The following GPC5 variants were observed in gnomAD, a reference collection of about 807,000 sequenced individuals.
GPC5 encodes the protein glypican-5.
GPC5 carries 47 observed loss-of-function variants against 53.9 expected under a neutral mutation model. The ratio of observed to expected loss-of-function variants is 0.87; its 90% confidence interval spans 0.69 to 1.11. The LOEUF (loss-of-function observed/expected upper bound fraction) is 1.11, where lower values mean the gene tolerates loss of function less well. GPC5 is among the 50% of genes most tolerant of loss of function. GPC5 has a pLI of 0.00. For missense variants in GPC5, 748 were observed against 713.1 expected (o/e 1.05, Z -0.56); for synonymous variants, 286 against 263.3 (o/e 1.09, Z -0.84).
chr13:92,620,451 G>C (rs1884834944), intron 7 of GPC5, among the ~76,000 whole-genome samples: 1 of 152,028 alleles, frequency 6.6e-6, no homozygotes, highest in Admixed American at 6.6e-5. Context: ...AATTCCACCA[G>C]GTTTTTTGTT....
intron 2 of GPC5, among the ~76,000 whole-genome samples, chr13:91,597,902 G>T (rs1217846349): frequency 7.4e-6 from 1 of 135,200 alleles, no homozygotes; most frequent in East Asian, 2.2e-4. Context: ...TTCAAGCATG[G>T]AATGTTTTCT....
chr13:91,871,151 G>A (rs1237319805), intron 5 of GPC5, among the ~76,000 whole-genome samples: 1 of 152,204 alleles, frequency 6.6e-6, no homozygotes, highest in Non-Finnish European at 1.5e-5. Flanking sequence ...CAGCATGTCA[G>A]TACTCAAAAG....
intron 7 of GPC5, among the ~76,000 whole-genome samples, chr13:92,704,363 T>C (rs1223746646): frequency 6.6e-6 from 1 of 152,026 alleles, no homozygotes; most frequent in East Asian, 1.9e-4. Context: ...TGAACAAATA[T>C]TGACTACTAA....
intron 5 of GPC5, among the ~76,000 whole-genome samples, chr13:91,906,416 T>C (rs970582630): frequency 2.0e-5 from 3 of 152,122 alleles, no homozygotes; most frequent in African/African-American, 7.2e-5. Flanking sequence ...ACACTTGGCA[T>C]GTGCATTTCC....
intron 2 of GPC5, among the ~76,000 whole-genome samples, chr13:91,661,120 G>T (rs1245068195): frequency 6.6e-6 from 1 of 152,128 alleles, no homozygotes. Context: ...GGGTCACCGA[G>T]AGAAGTATGG....
At chr13:92,422,713 C>A (rs775592868) in intron 7 of GPC5, among the ~76,000 whole-genome samples, 4 of 152,126 alleles carry the variant, frequency 2.6e-5, no homozygotes, top group Non-Finnish European at 4.4e-5. Flanking sequence ...AAGTGACAAC[C>A]TCAGTGGCTG....
chr13:91,685,066 C>T (rs1313700407), intron 2 of GPC5, among the ~76,000 whole-genome samples: 1 of 152,128 alleles, frequency 6.6e-6, no homozygotes, highest in Non-Finnish European at 1.5e-5. Flanking sequence ...GGTTTTCCTT[C>T]TCACTGTATC....
At chr13:91,984,420 G>T (rs1339017076) in intron 6 of GPC5, among the ~76,000 whole-genome samples, 2 of 152,092 alleles carry the variant, frequency 1.3e-5, no homozygotes, top group African/African-American at 4.8e-5. Flanking sequence ...TAGAACTTCG[G>T]GCTATAGTCC....
intron 7 of GPC5, among the ~76,000 whole-genome samples, chr13:92,223,098 T>A (rs2042461042): frequency 6.6e-6 from 1 of 152,148 alleles, no homozygotes. Flanking sequence ...TTACAGGAAA[T>A]GTGACAATTA....
chr13:91,784,451 G>A (rs1446200746), intron 5 of GPC5, among the ~76,000 whole-genome samples: 2 of 152,084 alleles, frequency 1.3e-5, no homozygotes, highest in Non-Finnish European at 2.9e-5. Flanking sequence ...GAGGCCGGGC[G>A]CAGTGGCTCA....
At chr13:92,740,281 T>C (rs1423430129) in intron 7 of GPC5, among the ~76,000 whole-genome samples, 1 of 152,084 alleles carries the variant, frequency 6.6e-6, no homozygotes, top group Non-Finnish European at 1.5e-5. Context: ...TGAAGCACCA[T>C]GCACTTTGGC....
At chr13:92,469,756 A>G (rs1487862026) in intron 7 of GPC5, among the ~76,000 whole-genome samples, 2 of 152,122 alleles carry the variant, frequency 1.3e-5, no homozygotes, top group Non-Finnish European at 2.9e-5. Flanking sequence ...CATTATGGTA[A>G]ACAGCAAAAG....
chr13:92,226,558 A>C (rs1376912353), intron 7 of GPC5, among the ~76,000 whole-genome samples: 1 of 152,170 alleles, frequency 6.6e-6, no homozygotes, highest in Admixed American at 6.5e-5. Context: ...TGAAAAACAC[A>C]ATGGGAACAG....
At chr13:92,555,294 G>A (rs1882456303) in intron 7 of GPC5, among the ~76,000 whole-genome samples, 1 of 151,084 alleles carries the variant, frequency 6.6e-6, no homozygotes, top group Non-Finnish European at 1.5e-5. Context: ...TGATTAAATA[G>A]GGTTTATCTC....
chr13:91,864,041 A>G (rs1239360163), intron 5 of GPC5, among the ~76,000 whole-genome samples: 1 of 152,202 alleles, frequency 6.6e-6, no homozygotes, highest in Non-Finnish European at 1.5e-5. Context: ...AATTTATATC[A>G]ATGATTATAT....
chr13:91,529,491 G>C (rs188091226), intron 2 of GPC5, among the ~76,000 whole-genome samples: 1 of 152,214 alleles, frequency 6.6e-6, no homozygotes, highest in East Asian at 1.9e-4. Flanking sequence ...CTTTGATTCA[G>C]CTTTTAAATT....
chr13:91,704,151 G>A (rs757872030), intron 3 of GPC5, among the ~76,000 whole-genome samples: 2 of 151,956 alleles, frequency 1.3e-5, no homozygotes, highest in Non-Finnish European at 2.9e-5. Context: ...CTATTAATAT[G>A]TACCTTTTTA....
intron 5 of GPC5, among the ~76,000 whole-genome samples, chr13:91,883,307 TTA>T (rs2039287295): frequency 6.6e-6 from 1 of 152,180 alleles, no homozygotes; most frequent in Non-Finnish European, 1.5e-5. Flanking sequence ...TTATCTAACC[TTA>T]AAGGTCAGAT....
chr13:91,835,099 CAGA>C (rs1566294098), intron 5 of GPC5, among the ~76,000 whole-genome samples: 1 of 152,160 alleles, frequency 6.6e-6, no homozygotes, highest in Non-Finnish European at 1.5e-5. Context: ...AGACACTTCT[CAGA>C]AGAAGACATT....
Sources: gnomAD v4.1 joint callset for allele counts (sites outside exome capture counted in the v4.1 genomes callset) on GRCh38, gnomAD v4.1.1 for gene constraint, MANE v1.5 for transcripts, NCBI Gene and HGNC (gene_info 2026-07-23, HGNC 2026-07-21) for gene names.